The following CCDC170 variants were observed in gnomAD, a reference collection of about 807,000 sequenced individuals.
The protein encoded by CCDC170 is coiled-coil domain-containing protein 170.
CCDC170 carries 69 observed loss-of-function variants against 72.6 expected under a neutral mutation model. The ratio of observed to expected loss-of-function variants is 0.95; its 90% CI spans 0.78 to 1.16. The LOEUF (loss-of-function observed/expected upper bound fraction) is 1.16. Ranked by LOEUF, CCDC170 falls within the 50% of genes most tolerant of loss-of-function variation. CCDC170 has a pLI of 0.00. For synonymous variants in CCDC170, 300 were observed against 303.9 expected (o/e 0.99, Z 0.13); for missense variants, 852 against 832.5 (o/e 1.02, Z -0.29).
chr6:151,503,601 C>T (rs1312114485), intron 1 of CCDC170, among the ~76,000 whole-genome samples: 1 of 151,954 alleles, frequency 6.6e-6, no homozygotes, highest in Admixed American at 6.6e-5. Flanking sequence ...TACAGGCATG[C>T]ACCACCACGC....
At position 151,620,150 on chromosome 6, in the gene CCDC170, T is replaced by C. The variant is rs1777036540; in HGVS notation, c.*2003T>C. ...ATGGGAAAAAATAGTGAAGATCTTCTTTTAGGAAAACTACCAATAAATGTA... is the reference window on the plus strand; with the variant it reads ...ATGGGAAAAAATAGTGAAGATCTTCCTTTAGGAAAACTACCAATAAATGTA... On this transcript the variant is annotated 3_prime_UTR_variant, in exon 11 of 11. Coordinates refer to ENST00000239374, the MANE Select transcript of CCDC170 (RefSeq NM_025059.4). The C allele has an allele frequency of 7.2e-6, 1 of 139,808 alleles. No homozygotes were observed. Among genetic ancestry groups the C allele is most frequent in the Admixed American group, 7.3e-5 (1 of 13,666 alleles). The allele number at this position is 139,808 out of a possible 1,614,324, so 8.7% of individuals were successfully genotyped here. A position where few individuals can be genotyped will look rare whatever the true frequency, so the allele number is the denominator to read the frequency against.
At chr6:151,604,199 C>T (rs1776750814) in intron 9 of CCDC170, among the ~76,000 whole-genome samples, 1 of 152,310 alleles carries the variant, frequency 6.6e-6, no homozygotes, top group Non-Finnish European at 1.5e-5. Context: ...AAGACAGCCT[C>T]TCCCCACATT....
At chr6:151,508,402 TG>T (rs575396740) in intron 1 of CCDC170, among the ~76,000 whole-genome samples, 3 of 151,246 alleles carry the variant, frequency 2.0e-5, no homozygotes, top group South Asian at 2.1e-4. Context: ...CCAGGCATAG[TG>T]GGGGGGCGCC....
intron 5 of CCDC170, among the ~76,000 whole-genome samples, chr6:151,551,766 G>C (rs1782882309): frequency 6.6e-6 from 1 of 152,174 alleles, no homozygotes; most frequent in African/African-American, 2.4e-5. Flanking sequence ...CTGCTCAACA[G>C]GTTGGCCCTA....
intron 1 of CCDC170, among the ~76,000 whole-genome samples, chr6:151,526,519 C>CTTTTTTT (rs577450833): frequency 7.6e-6 from 1 of 131,660 alleles, no homozygotes; most frequent in Non-Finnish European, 1.6e-5. Context: ...CCCGCCTGGC[C>CTTTTTTT]TTTTTTTTTT....
Position 151,538,063 on chromosome 6 carries a change from A to C in CCDC170, c.205A>C (p.Lys69Gln), listed in dbSNP as rs769347990. 2 of 1,612,774 alleles carry C rather than the reference A, an allele frequency of 1.2e-6. No homozygotes were observed. Among genetic ancestry groups the C allele is most frequent in the Admixed American group, 3.3e-5 (2 of 59,834 alleles). ...AQSELQDLRSKMLSKEVSCQE... is the reference protein window; with the variant it reads ...AQSELQDLRSQMLSKEVSCQE... ...ATGTTAGCTTCAAGACCTCCGATCC[A>C]AGATGCTTTCTAAAGAAGTCTCCTG... The change falls in exon 3 of 11, where the codon AAG becomes CAG. Residue 69 changes from lysine (K) to glutamine (Q), a missense_variant. Lys to Gln is a moderately conservative substitution (Grantham distance 53). Coordinates refer to ENST00000239374, the MANE Select transcript of CCDC170 (RefSeq NM_025059.4).
chr6:151,593,842 G>A (rs528871709), intron 8 of CCDC170, among the ~76,000 whole-genome samples: 29 of 152,228 alleles, frequency 1.9e-4, no homozygotes, highest in Non-Finnish European at 3.8e-4. Flanking sequence ...GCCAGAATAT[G>A]TTTTGGTGGT....
chr6:151,558,907 AT>A (rs914260317), intron 5 of CCDC170, among the ~76,000 whole-genome samples: 1 of 150,546 alleles, frequency 6.6e-6, no homozygotes, highest in Non-Finnish European at 1.5e-5. Flanking sequence ...AAATTTTATG[AT>A]TTTTTTCCAT....
At chr6:151,519,472 TA>T (rs1694615435) in intron 1 of CCDC170, among the ~76,000 whole-genome samples, 1 of 152,220 alleles carries the variant, frequency 6.6e-6, no homozygotes, top group Non-Finnish European at 1.5e-5. Flanking sequence ...ACATATGTTT[TA>T]CAATCAATTT....
At chr6:151,615,815 C>T (rs573904374) in intron 10 of CCDC170, 136 bp downstream of exon 10, 65 of 692,820 alleles carry the variant, frequency 9.4e-5, no homozygotes, top group East Asian at 1.3e-4. Flanking sequence ...CATCGTTTTA[C>T]GAGGGCCGTG....
chr6:151,525,920 A>T (rs1012857272), intron 1 of CCDC170, among the ~76,000 whole-genome samples: 3 of 152,100 alleles, frequency 2.0e-5, no homozygotes, highest in Non-Finnish European at 4.4e-5. Context: ...GAATACTTTA[A>T]ATTTGTTTTT....
intron 5 of CCDC170, among the ~76,000 whole-genome samples, chr6:151,556,774 C>T (rs1782984050): frequency 6.6e-6 from 1 of 152,118 alleles, no homozygotes; most frequent in African/African-American, 2.4e-5. Flanking sequence ...TCAAAATATA[C>T]AATACATTGT....
rs188016086 is a variant in CCDC170, at chr6:151,503,727, A to G, written c.57+9542A>G. ...CCCAGCCTCCCAAAGTGCTGGGATT[A>G]CAAGGGTGAGCCACCGCGCCCAGCA... On this transcript the variant is annotated intron_variant, in intron 1 of 10. Coordinates refer to ENST00000239374, the MANE Select transcript of CCDC170 (RefSeq NM_025059.4). Among the ~76,000 whole-genome samples the G allele has an allele frequency of 3.5e-3, 529 of 152,264 alleles. 12 individuals carry two copies. Among genetic ancestry groups the G allele is most frequent in the Non-Finnish European group, 6.2e-4 (42 of 68,014 alleles).
At chr6:151,533,346 A>G (rs1205293990) in intron 1 of CCDC170, among the ~76,000 whole-genome samples, 8 of 150,792 alleles carry the variant, frequency 5.3e-5, no homozygotes, top group Admixed American at 2.0e-4. Context: ...GAGCCGCCGC[A>G]CCTGGCCGAC....
At chr6:151,564,465 A>T (rs1776095251) in intron 5 of CCDC170, among the ~76,000 whole-genome samples, 1 of 152,254 alleles carries the variant, frequency 6.6e-6, no homozygotes, top group East Asian at 1.9e-4. Flanking sequence ...TAGCAGGTCT[A>T]GGTGGGTCTA....
At chr6:151,509,146 T>TTTAAC (rs1173844027) in intron 1 of CCDC170, among the ~76,000 whole-genome samples, 1 of 152,186 alleles carries the variant, frequency 6.6e-6, no homozygotes, top group East Asian at 1.9e-4. Flanking sequence ...TTCTAAAATC[T>TTTAAC]TTAACATGTG....
chr6:151,615,774 A>C lies in CCDC170; in HGVS notation c.1947+95A>C. On this transcript the variant is annotated intron_variant, in intron 10 of 10. Coordinates refer to ENST00000239374, the MANE Select transcript of CCDC170 (RefSeq NM_025059.4). Reference sequence around the variant, plus strand: ...ACTTATTCATGCATTTCTTTTTAAAAAAGTTTGGACTGTTTCATGAATTTG... The same window carrying C: ...ACTTATTCATGCATTTCTTTTTAAACAAGTTTGGACTGTTTCATGAATTTG... The C allele has an allele frequency of 3.1e-6, 3 of 954,452 alleles. No homozygotes were observed. In the South Asian group the frequency reaches 4.6e-5, roughly 15 times the overall value. 59.1% of individuals were successfully genotyped at this position (954,452 alleles called of 1,614,324 possible).
At chr6:151,525,281 A>G (rs938937815) in intron 1 of CCDC170, among the ~76,000 whole-genome samples, 1 of 152,122 alleles carries the variant, frequency 6.6e-6, no homozygotes, top group Non-Finnish European at 1.5e-5. Context: ...TGAATGTACT[A>G]TATGTCAGGC....
intron 9 of CCDC170, among the ~76,000 whole-genome samples, chr6:151,607,630 A>AAT (rs1776805644): frequency 6.7e-6 from 1 of 149,650 alleles, no homozygotes; most frequent in Admixed American, 6.7e-5. Context: ...GTTGATAGGC[A>AAT]TTTTTTTTTT....
Sources: allele counts gnomAD v4.1 joint callset (sites outside exome capture counted in the v4.1 genomes callset), GRCh38; gene constraint gnomAD v4.1.1; transcripts MANE v1.5; gene names NCBI Gene and HGNC (gene_info 2026-07-23, HGNC 2026-07-21).